Variants in SYT9 observed in about 807,000 individuals in gnomAD.
SYT9 encodes the protein synaptotagmin 9, also known as synaptotagmin-9.
A neutral mutation model predicts 48.4 loss-of-function variants in SYT9; 22 were observed. The ratio of observed to expected loss-of-function variants is 0.45; its 90% CI spans 0.32 to 0.65. SYT9 has a LOEUF of 0.65. Ranked by LOEUF, SYT9 falls within the 30% of genes least tolerant of loss-of-function variation. The pLI is 0.03. For synonymous variants in SYT9, 265 were observed against 245.0 expected, an observed-to-expected ratio of 1.08 and a Z score of -0.76; for missense variants, 577 against 622.0, an observed-to-expected ratio of 0.93 and a Z score of 0.77.
chr11:7,453,064 G>A (rs1411937248), intron 6 of SYT9, among the ~76,000 whole-genome samples: 1 of 151,522 alleles, frequency 6.6e-6, no homozygotes, highest in East Asian at 2.0e-4. Flanking sequence ...TTACAGGTGT[G>A]AGCCACCGCG....
intron 1 of SYT9, among the ~76,000 whole-genome samples, chr11:7,263,375 GCT>G (rs903826936): frequency 1.3e-4 from 20 of 152,272 alleles, no homozygotes; most frequent in African/African-American, 4.3e-4. Context: ...TGGGGGCTCT[GCT>G]CTCATAGTCT....
intron 3 of SYT9, among the ~76,000 whole-genome samples, chr11:7,408,431 A>G (rs551535072): frequency 4.1e-4 from 62 of 152,338 alleles, no homozygotes; most frequent in African/African-American, 1.1e-3. Context: ...CCCAGCCAGT[A>G]GTATGGTCAT....
At chr11:7,312,383 C>T (rs905273471) in intron 2 of SYT9, among the ~76,000 whole-genome samples, 2 of 152,140 alleles carry the variant, frequency 1.3e-5, no homozygotes, top group Admixed American at 1.3e-4. Context: ...CTTTCACCTT[C>T]TAGTAAAGAG....
chr11:7,266,084 A>G (rs1286019491), intron 1 of SYT9, among the ~76,000 whole-genome samples: 1 of 152,100 alleles, frequency 6.6e-6, no homozygotes, highest in Non-Finnish European at 1.5e-5. Context: ...AGTTAAACAT[A>G]TTTCCATTCT....
chr11:7,458,475 C>G (rs1295020716), intron 6 of SYT9, among the ~76,000 whole-genome samples: 1 of 143,036 alleles, frequency 7.0e-6, no homozygotes, highest in Non-Finnish European at 1.5e-5. Flanking sequence ...GAGTGAGACT[C>G]CATCTCAAAA....
Position 7,319,183 on chromosome 11 carries a change from CTTCTTTTTCTTT to C in SYT9, c.1044+5245_1044+5256del, listed in dbSNP as rs1849294393. On this transcript the variant is annotated intron_variant, in intron 3 of 6. Coordinates refer to ENST00000318881, the MANE Select transcript of SYT9 (RefSeq NM_175733.4). ...TATTTCTTCTTTTTTTTTTTCTTTT[CTTCTTTTTCTTT>C]TTTTTTTTTTTTTTTTTTTGAGACT... 2.1e-4 allele frequency among the ~76,000 whole-genome samples: 19 copies of C among 88,774 alleles called. No individual in the cohort carries two copies. In the South Asian group the frequency reaches 7.4e-3, roughly 34 times the overall value. The allele number at this position is 88,774 out of a possible 152,430, so 58.2% of individuals were successfully genotyped here. A position where few individuals can be genotyped will look rare whatever the true frequency, so the allele number is the denominator to read the frequency against.
rs753480281 is a variant in SYT9, at chr11:7,313,857, C to T, written c.960C>T (p.Gly320=). The change falls in exon 3 of 7, where the codon GGC becomes GGT. Residue 320 remains glycine, a synonymous_variant. Coordinates refer to ENST00000318881, the MANE Select transcript of SYT9 (RefSeq NM_175733.4). The stretch of plus-strand genomic sequence containing the variant: ...GGTTCTCTCGTCATGACTTAATCGG[C>T]CAAGTGGTGGTGGATCACTTCCTAG... ...FDRFSRHDLI[G]QVVVDHFLDL... 8.7e-6 allele frequency: 14 copies of T among 1,614,174 alleles called. No individual in the cohort carries two copies. Among genetic ancestry groups the T allele is most frequent in the Non-Finnish European group, 1.2e-5 (14 of 1,180,018 alleles).
At chr11:7,372,387 G>A (rs1176322961) in intron 3 of SYT9, among the ~76,000 whole-genome samples, 4 of 152,040 alleles carry the variant, frequency 2.6e-5, no homozygotes, top group African/African-American at 7.2e-5. Context: ...ATCTCAGCTT[G>A]CTGTAACCTC....
chr11:7,323,624 TCA>T (rs1849376393), intron 3 of SYT9, among the ~76,000 whole-genome samples: 1 of 152,052 alleles, frequency 6.6e-6, no homozygotes, highest in South Asian at 2.1e-4. Flanking sequence ...TTGAATTTTA[TCA>T]GTTGATTTTC....
intron 3 of SYT9, among the ~76,000 whole-genome samples, chr11:7,363,650 C>T (rs757664702): frequency 6.6e-6 from 1 of 152,024 alleles, no homozygotes; most frequent in Non-Finnish European, 1.5e-5. Flanking sequence ...TTTAAAGGTC[C>T]AATGAAGTAG....
At chr11:7,371,224 T>C (rs1401521044) in intron 3 of SYT9, among the ~76,000 whole-genome samples, 2 of 152,088 alleles carry the variant, frequency 1.3e-5, no homozygotes, top group Non-Finnish European at 2.9e-5. Flanking sequence ...TTTAAATCAA[T>C]TAGAAAATAT....
At chr11:7,328,149 T>G (rs1849469011) in intron 3 of SYT9, among the ~76,000 whole-genome samples, 1 of 151,798 alleles carries the variant, frequency 6.6e-6, no homozygotes, top group Non-Finnish European at 1.5e-5. Context: ...TTCTATTTTT[T>G]TAACTTACAA....
intron 3 of SYT9, among the ~76,000 whole-genome samples, chr11:7,390,301 A>G (rs1012788794): frequency 1.3e-5 from 2 of 152,112 alleles, no homozygotes; most frequent in Non-Finnish European, 2.9e-5. Flanking sequence ...AAGGACATGA[A>G]CTCATCCTTT....
intron 6 of SYT9, among the ~76,000 whole-genome samples, chr11:7,448,608 C>A (rs1447475859): frequency 6.6e-6 from 1 of 152,208 alleles, no homozygotes; most frequent in African/African-American, 2.4e-5. Flanking sequence ...GCAACTGTGC[C>A]CCCTGCATCT....
intron 1 of SYT9, among the ~76,000 whole-genome samples, chr11:7,295,049 T>C (rs1356863619): frequency 1.3e-5 from 2 of 152,238 alleles, no homozygotes; most frequent in Non-Finnish European, 2.9e-5. Context: ...CCTATACTAA[T>C]CTCTTAAATA....
At chr11:7,290,501 A>C (rs1343833899) in intron 1 of SYT9, among the ~76,000 whole-genome samples, 1 of 152,204 alleles carries the variant, frequency 6.6e-6, no homozygotes, top group Admixed American at 6.5e-5. Flanking sequence ...GAGAAGCATG[A>C]AACACTGTAT....
chr11:7,417,381 G>A (rs1388386966), intron 4 of SYT9, among the ~76,000 whole-genome samples: 1 of 152,154 alleles, frequency 6.6e-6, no homozygotes, highest in African/African-American at 2.4e-5. Context: ...CCCCATCACA[G>A]TGTTGCACCC....
Position 7,395,124 on chromosome 11 carries a change from G to C in SYT9, c.1045-20918G>C, listed in dbSNP as rs1270894662. On this transcript the variant is annotated intron_variant, in intron 3 of 6. Transcript: ENST00000318881. The stretch of plus-strand genomic sequence containing the variant: ...TTTTGGTGTACCCATCACCCGAGCG[G>C]TATATACTGAACCCAATTTGCAGTC... Among the ~76,000 whole-genome samples, 4 of 151,856 alleles carry C rather than the reference G, an allele frequency of 2.6e-5. No homozygotes were observed. The East Asian group carries it at 7.7e-4, about 29-fold the overall frequency.
At chr11:7,347,007 G>A (rs746396883) in intron 3 of SYT9, among the ~76,000 whole-genome samples, 6 of 152,126 alleles carry the variant, frequency 3.9e-5, no homozygotes, top group Admixed American at 6.5e-5. Flanking sequence ...GGTGGGTGGG[G>A]CCCCTGTTCC....
Sources: allele counts gnomAD v4.1 joint callset (sites outside exome capture counted in the v4.1 genomes callset), GRCh38; gene constraint gnomAD v4.1.1; transcripts MANE v1.5; gene names NCBI Gene and HGNC (gene_info 2026-07-23, HGNC 2026-07-21).